Variants in FALEC observed in about 807,000 individuals in gnomAD.
FALEC encodes focally amplified lncRNA on chromosome 1.
At chr1:150,531,881 C>T in the FALEC span, among the ~76,000 whole-genome samples, 1 of 152,216 alleles carries the variant, frequency 6.6e-6, no homozygotes, top group African/African-American at 2.4e-5. Flanking sequence ...TGTCCCACTC[C>T]TCTGCCTGCC....
the FALEC span, among the ~76,000 whole-genome samples, chr1:150,527,684 TA>T: frequency 6.6e-6 from 1 of 152,000 alleles, no homozygotes; most frequent in African/African-American, 2.4e-5. Flanking sequence ...ACCCCACCTC[TA>T]CTAAAAATAC....
At chr1:150,535,731 A>G in the FALEC span, among the ~76,000 whole-genome samples, 1 of 152,206 alleles carries the variant, frequency 6.6e-6, no homozygotes, top group African/African-American at 2.4e-5. Flanking sequence ...GAGCCGAGGC[A>G]GCCTGTAAAC....
the FALEC span, among the ~76,000 whole-genome samples, chr1:150,525,854 G>A: frequency 2.0e-5 from 3 of 152,124 alleles, no homozygotes; most frequent in South Asian, 4.1e-4. Context: ...TATTGCCCAG[G>A]CTGGTGTCAA....
downstream of FALEC, among the ~76,000 whole-genome samples, chr1:150,522,949 GTA>G (rs1156284115): frequency 7.0e-3 from 151 of 21,626 alleles, 5 homozygotes; most frequent in Non-Finnish European, 0.01. Context: ...GTGTGTGTGT[GTA>G]TATATATATA....
At chr1:150,534,566 T>A in the FALEC span, among the ~76,000 whole-genome samples, 55 of 151,996 alleles carry the variant, frequency 3.6e-4, no homozygotes, top group Non-Finnish European at 7.6e-4. Context: ...CTCTCTAGCC[T>A]GGCACAGTGG....
At chr1:150,526,338 A>G in the FALEC span, among the ~76,000 whole-genome samples, 1 of 138,808 alleles carries the variant, frequency 7.2e-6, no homozygotes, top group Non-Finnish European at 1.6e-5. Flanking sequence ...TGACAGAGTG[A>G]AACTCCGTCT....
At chr1:150,531,484 A>G in the FALEC span, among the ~76,000 whole-genome samples, 1 of 152,050 alleles carries the variant, frequency 6.6e-6, no homozygotes, top group African/African-American at 2.4e-5. Context: ...TCAAGAAAAA[A>G]AAAAATACAA....
chr1:150,532,137 G>A, the FALEC span, among the ~76,000 whole-genome samples: 1 of 152,178 alleles, frequency 6.6e-6, no homozygotes, highest in Non-Finnish European at 1.5e-5. Context: ...TTGATCTCCT[G>A]ACCTCCTGAT....
chr1:150,525,887 C>G, the FALEC span, among the ~76,000 whole-genome samples: 2 of 152,178 alleles, frequency 1.3e-5, no homozygotes, highest in African/African-American at 4.8e-5. Flanking sequence ...AGCAATTCTC[C>G]CATTTCGGCC....
At chr1:150,532,266 G>A in the FALEC span, among the ~76,000 whole-genome samples, 9 of 152,268 alleles carry the variant, frequency 5.9e-5, no homozygotes, top group Middle Eastern at 3.4e-3. Flanking sequence ...GAACGAAAGC[G>A]CAGGGAGCAG....
downstream of FALEC, among the ~76,000 whole-genome samples, chr1:150,521,043 T>C (rs758791129): frequency 6.6e-6 from 1 of 152,124 alleles, no homozygotes; most frequent in Non-Finnish European, 1.5e-5. Context: ...TCAGGTGATC[T>C]GCCTGTCTCA....
the FALEC span, among the ~76,000 whole-genome samples, chr1:150,523,649 G>A: frequency 6.5e-5 from 8 of 122,368 alleles, no homozygotes; most frequent in Non-Finnish European, 1.3e-4. Flanking sequence ...GCGAGACTCC[G>A]TCAAAAAAAA....
downstream of FALEC, among the ~76,000 whole-genome samples, chr1:150,522,955 A>G (rs1235737511): frequency 0.01 from 231 of 22,252 alleles, 12 homozygotes; most frequent in Non-Finnish European, 0.015. Context: ...GTGTGTATAT[A>G]TATATATATA....
the FALEC span, among the ~76,000 whole-genome samples, chr1:150,531,073 A>AT: frequency 6.6e-6 from 1 of 152,220 alleles, no homozygotes; most frequent in Non-Finnish European, 1.5e-5. Flanking sequence ...AGGAAATGAA[A>AT]TACTCAATGA....
At chr1:150,532,774 A>G in the FALEC span, among the ~76,000 whole-genome samples, 1 of 140,478 alleles carries the variant, frequency 7.1e-6, no homozygotes, top group South Asian at 2.2e-4. Flanking sequence ...CTGACTAAGG[A>G]AAAAAAAAAA....
the FALEC span, among the ~76,000 whole-genome samples, chr1:150,532,053 C>T: frequency 1.3e-5 from 2 of 152,106 alleles, no homozygotes; most frequent in South Asian, 4.1e-4. Context: ...ACTACAGGTG[C>T]CCACCACCAC....
chr1:150,521,095 C>G (rs903676673), downstream of FALEC, among the ~76,000 whole-genome samples: 19 of 152,108 alleles, frequency 1.2e-4, no homozygotes, highest in African/African-American at 4.6e-4. Flanking sequence ...GCCACCACGC[C>G]CGGCCTCATT....
downstream of FALEC, among the ~76,000 whole-genome samples, chr1:150,522,553 G>C (rs919467495): frequency 6.6e-6 from 1 of 150,918 alleles, no homozygotes. Context: ...AACCCAGGAG[G>C]GGGTGGTTGC....
At chr1:150,533,427 G>A in the FALEC span, among the ~76,000 whole-genome samples, 1 of 139,668 alleles carries the variant, frequency 7.2e-6, no homozygotes, top group Non-Finnish European at 1.6e-5. Context: ...AAGAGAACCA[G>A]AGCTTTTTTT....
Sources: allele counts gnomAD v4.1 joint callset (sites outside exome capture counted in the v4.1 genomes callset), GRCh38; gene constraint gnomAD v4.1.1; transcripts MANE v1.5; gene names NCBI Gene and HGNC (gene_info 2026-07-23, HGNC 2026-07-21).